TPP1: variants seen among roughly 807,000 people sequenced by gnomAD.
The protein encoded by TPP1 is tripeptidyl-peptidase 1.
A neutral mutation model predicts 67.6 loss-of-function variants in TPP1; 43 were observed. The observed-to-expected ratio is 0.64, with a 90% CI of 0.50 to 0.82. The LOEUF (loss-of-function observed/expected upper bound fraction) is 0.82. Among genes scored for constraint, TPP1 ranks in the 40% least tolerant of loss-of-function variants. The probability of loss-of-function intolerance (pLI) is 0.00; values close to 1 mark genes in which losing one functional copy is unlikely to be tolerated. For missense variants in TPP1, 671 were observed against 710.9 expected (o/e 0.94, Z 0.64); for synonymous variants, 272 against 281.5 (o/e 0.97, Z 0.34).
intron 6 of TPP1, 21 bp from the exon 7 acceptor site, chr11:6,616,880 G>C (rs771009323): frequency 7.4e-6 from 12 of 1,613,976 alleles, no homozygotes; most frequent in Non-Finnish European, 8.5e-7. Flanking sequence ...AGTCAGAGCA[G>C]AGATCGTGGG....
intron 8 of TPP1, 113 bp downstream of exon 8, chr11:6,616,202 G>T: frequency 6.3e-7 from 1 of 1,578,464 alleles, no homozygotes; most frequent in South Asian, 1.1e-5. Flanking sequence ...GTCCCTACTG[G>T]AAGGTCTGAG....
chr11:6,614,324 T>C lies in TPP1; in HGVS notation c.*222A>G, dbSNP rs1029387595. On this transcript the variant is annotated 3_prime_UTR_variant, in exon 13 of 13. Coordinates refer to ENST00000299427, the MANE Select transcript of TPP1 (RefSeq NM_000391.4). ...CATTCAAAAAATGCTAGTTACAGCA[T>C]CTTATTGAGGAATCTAAGGCAGGAG... 2 of 607,398 alleles carry C rather than the reference T, an allele frequency of 3.3e-6. No individual in the cohort carries two copies. Among genetic ancestry groups the C allele is most frequent in the African/African-American group, 3.7e-5 (2 of 54,064 alleles). 37.6% of individuals were successfully genotyped at this position (607,398 alleles called of 1,614,324 possible).
At position 6,614,938 on chromosome 11, in the gene TPP1, G is replaced by GAT. The variant is rs749714444; in HGVS notation, c.1477_1478dup (p.Leu494SerfsTer26). 6.2e-7 allele frequency: 1 copy of GAT among 1,614,050 alleles called. No individual in the cohort carries two copies. Among genetic ancestry groups the GAT allele is most frequent in the Non-Finnish European group, 8.5e-7 (1 of 1,180,042 alleles). ...AGCCAAGAGGGGGGCGGCCACTAAG[G>GAT]ATCCTGTGCTCATTGATCAAGGATA... On this transcript the variant is annotated frameshift_variant, in exon 12 of 13. Coordinates refer to ENST00000299427, the MANE Select transcript of TPP1 (RefSeq NM_000391.4). LOFTEE classifies it high-confidence loss of function.
In TPP1 at chr11:6,615,338, C is replaced by A. The variant is rs1166231114; in HGVS notation, c.1267-9G>T. On this transcript the variant is annotated splice_polypyrimidine_tract_variant and intron_variant, in intron 10 of 12. Coordinates refer to ENST00000299427, the MANE Select transcript of TPP1 (RefSeq NM_000391.4). ...TTCGTTACAGCTTCCTCCTGAAAGG[C>A]ATTTTTGAGTGAGTATTGGCATGTG... The A allele has an allele frequency of 1.2e-6, 2 of 1,614,148 alleles. No homozygotes were observed. The highest frequency in any genetic ancestry group is 2.2e-5 in the South Asian group (2 of 91,080).
Position 6,614,619 on chromosome 11 carries a change from G to A in TPP1, c.1619C>T (p.Pro540Leu). ...CCAGCCTGTTACAGGATCCCAGCCA[G>A]GACCAGAGCAGAAACCCTGGCCCTC... ...EVEGQGFCSG[P>L]GWDPVTGWGT... Residue 540 changes from proline (P) to leucine (L), a missense_variant, in exon 13 of 13, where the codon CCT (proline) becomes CTT (leucine). Coordinates refer to ENST00000299427, the MANE Select transcript of TPP1 (RefSeq NM_000391.4). 6.2e-7 allele frequency: 1 copy of A among 1,614,132 alleles called. No homozygotes were observed. The highest frequency in any genetic ancestry group is 8.5e-7 in the Non-Finnish European group (1 of 1,180,008).
At chr11:6,614,731 A>G (rs1855549406) in intron 12 of TPP1, 45 bp from the exon 13 acceptor site, 2 of 1,614,054 alleles carry the variant, frequency 1.2e-6, no homozygotes, top group South Asian at 1.1e-5. Flanking sequence ...TAGTACCAGT[A>G]CTTAAAGAGT....
At chr11:6,616,279 G>A (rs753929580) in intron 8 of TPP1, 36 bp downstream of exon 8, 2 of 1,612,564 alleles carry the variant, frequency 1.2e-6, no homozygotes, top group South Asian at 1.1e-5. Context: ...GGCTGCAGAG[G>A]TGTAAGCATT....
chr11:6,617,075 AG>A lies in TPP1; in HGVS notation c.586del (p.Leu196CysfsTer5), dbSNP rs1482003032. ...PEPQVTGTVG[L>X]HLGVTPSVIR... ...CACAGAGGGGGTTACCCCCAGATGC[AG>A]GCCTACAGTCCCTGTCACCTGCGGC... On this transcript the variant is annotated frameshift_variant, in exon 6 of 13. Coordinates refer to ENST00000299427, the MANE Select transcript of TPP1 (RefSeq NM_000391.4). LOFTEE classifies it high-confidence loss of function. 2 of 1,614,024 alleles carry A rather than the reference AG, an allele frequency of 1.2e-6. No homozygotes were observed. The highest frequency in any genetic ancestry group is 1.7e-6 in the Non-Finnish European group (2 of 1,180,022).
chr11:6,616,247 C>G, intron 8 of TPP1, 68 bp downstream of exon 8: 1 of 1,607,610 alleles, frequency 6.2e-7, no homozygotes, highest in Non-Finnish European at 8.5e-7. Context: ...GCTCAGGGAT[C>G]ACTGTGGAGT....
chr11:6,615,882 G>A (rs1855573207), intron 9 of TPP1, 123 bp downstream of exon 9: 7 of 1,126,954 alleles, frequency 6.2e-6, no homozygotes, highest in South Asian at 1.3e-5. Context: ...ACAGCAACCA[G>A]GGCAGGCAAA....
chr11:6,615,873 C>T, intron 9 of TPP1, 132 bp downstream of exon 9: 1 of 1,043,232 alleles, frequency 9.6e-7, no homozygotes, highest in Non-Finnish European at 1.5e-6. Context: ...GACAGGAGTA[C>T]AGCAACCAGG....
At chr11:6,616,885 C>A (rs746012191) in intron 6 of TPP1, 26 bp from the exon 7 acceptor site, 1 of 1,613,854 alleles carries the variant, frequency 6.2e-7, no homozygotes. Flanking sequence ...GAGCAGAGAT[C>A]GTGGGTCCGA....
chr11:6,616,800 G>T lies in TPP1; in HGVS notation c.747C>A (p.Gly249=). Residue 249 remains glycine, a synonymous_variant, in exon 7 of 13, where the codon GGC becomes GGA. Coordinates refer to ENST00000299427, the MANE Select transcript of TPP1 (RefSeq NM_000391.4). ...DLAQFMRLFG[G]NFAHQASVAR... ...CTACTGATGCCTGATGTGCAAAGTT[G>T]CCACCGAAGAGGCGCATGAACTGAG... is the stretch of plus-strand genomic sequence containing the variant. The T allele has an allele frequency of 6.2e-7, 1 of 1,613,820 alleles. No individual in the cohort carries two copies. Among genetic ancestry groups the T allele is most frequent in the African/African-American group, 1.3e-5 (1 of 75,020 alleles).
At chr11:6,616,168 C>T in intron 8 of TPP1, 94 bp from the exon 9 acceptor site, 1 of 1,584,368 alleles carries the variant, frequency 6.3e-7, no homozygotes, top group Non-Finnish European at 8.7e-7. Context: ...TGTAGGAGGT[C>T]AGAGTGTAGA....
At position 6,617,302 on chromosome 11, in the gene TPP1, A is replaced by G. The variant is rs767512838; in HGVS notation, c.507T>C (p.Phe169=). Residue 169 remains phenylalanine (F), a splice_region_variant and synonymous_variant, in exon 5 of 13, where the codon TTT becomes TTC. Transcript: ENST00000299427. ...CCCCATTCACCCCATAGGTGTTACC[A>G]AAGTCCACATGGGGGGCCAAGGCCT... ...LPQALAPHVD[F]VGGLHRFPPT... 1 of 1,613,954 alleles carries G rather than the reference A, an allele frequency of 6.2e-7. No homozygotes were observed. Among genetic ancestry groups the G allele is most frequent in the Non-Finnish European group, 8.5e-7 (1 of 1,179,986 alleles).
chr11:6,615,024 G>A (rs1273597868), intron 11 of TPP1, 33 bp from the exon 12 acceptor site: 1 of 1,613,972 alleles, frequency 6.2e-7, no homozygotes, highest in Non-Finnish European at 8.5e-7. Flanking sequence ...AGAGGTCAGG[G>A]GTTCTGAGTG....
At chr11:6,616,898 G>A (rs910877083) in intron 6 of TPP1, 39 bp from the exon 7 acceptor site, 2 of 1,614,046 alleles carry the variant, frequency 1.2e-6, no homozygotes, top group East Asian at 2.2e-5. Context: ...GGGTCCGAGG[G>A]TGAGTCCCAG....
At chr11:6,615,732 G>T in intron 9 of TPP1, 170 bp from the exon 10 acceptor site, 1 of 891,394 alleles carries the variant, frequency 1.1e-6, no homozygotes, top group Non-Finnish European at 1.7e-6. Flanking sequence ...GGCCCGAGGT[G>T]ACTGTGCACA....
At position 6,617,021 on chromosome 11, in the gene TPP1, TGTGAGGTCAA is replaced by T; in HGVS notation, c.631_640del (p.Leu211LysfsTer44). The T allele has an allele frequency of 6.2e-7, 1 of 1,614,120 alleles. No homozygotes were observed. On this transcript the variant is annotated frameshift_variant, in exon 6 of 13. Coordinates refer to ENST00000299427, the MANE Select transcript of TPP1 (RefSeq NM_000391.4). LOFTEE classifies it high-confidence loss of function. ...ATTGCTGGTGCCAGAGCCCACGTCT[TGTGAGGTCAA>T]GTTGTATCGCTTACGGATCACAGAG...
Sources: allele counts gnomAD v4.1 joint callset, GRCh38; gene constraint gnomAD v4.1.1; transcripts MANE v1.5; gene names NCBI Gene and HGNC (gene_info 2026-07-23, HGNC 2026-07-21).